TYW1: variants seen among roughly 807,000 people sequenced by gnomAD.
TYW1 encodes the protein tRNA-yW synthesizing protein 1 homolog.
Under a neutral mutation model 96.2 loss-of-function variants are expected in TYW1, and 46 were observed. The observed-to-expected ratio is 0.48, with a 90% CI of 0.38 to 0.61. The LOEUF (loss-of-function observed/expected upper bound fraction) is 0.61, where lower values mean the gene tolerates loss of function less well. Ranked by LOEUF, TYW1 falls within the 20% of genes least tolerant of loss-of-function variation. TYW1 has a pLI of 0.00. For synonymous variants in TYW1, 274 were observed against 323.0 expected (o/e 0.85, Z 1.63); for missense variants, 684 against 909.6 (o/e 0.75, Z 3.19).
intron 5 of TYW1, among the ~76,000 whole-genome samples, chr7:67,016,810 A>G (rs1263468247): frequency 4.0e-5 from 6 of 151,816 alleles, no homozygotes; most frequent in African/African-American, 1.5e-4. Flanking sequence ...TATTTTTTGT[A>G]GAGATGGGGT....
In TYW1 at chr7:67,228,700, T is replaced by C. The variant is rs1339088652; in HGVS notation, c.1978-9608T>C. Among the ~76,000 whole-genome samples the C allele has an allele frequency of 3.9e-5, 6 of 152,360 alleles. No homozygotes were observed. In the East Asian group the frequency reaches 9.6e-4, roughly 24 times the overall value. On this transcript the variant is annotated intron_variant, in intron 15 of 15. Transcript: ENST00000359626. ...TTTCCTTCTTATTTCAACTCTTGAATGTGTAGAACTATGAGACCTTTGTAT... is the reference window on the plus strand; with the variant it reads ...TTTCCTTCTTATTTCAACTCTTGAACGTGTAGAACTATGAGACCTTTGTAT...
At chr7:67,102,980 C>G (rs1044085618) in intron 12 of TYW1, among the ~76,000 whole-genome samples, 6 of 152,182 alleles carry the variant, frequency 3.9e-5, no homozygotes, top group Non-Finnish European at 7.3e-5. Context: ...ATCCTTGAAG[C>G]TCCTAATATG....
intron 10 of TYW1, among the ~76,000 whole-genome samples, chr7:67,080,940 GTTTTTTTTTTT>G (rs71049495): frequency 7.8e-4 from 29 of 37,252 alleles, no homozygotes; most frequent in African/African-American, 2.1e-3. Flanking sequence ...CTTTCTTACT[GTTTTTTTTTTT>G]TTTTTTTTTT....
chr7:67,028,021 G>A (rs570748159), intron 7 of TYW1, among the ~76,000 whole-genome samples: 55 of 151,558 alleles, frequency 3.6e-4, no homozygotes, highest in African/African-American at 1.3e-3. Context: ...GATTGCTTGA[G>A]GTCAGGAGCT....
intron 7 of TYW1, among the ~76,000 whole-genome samples, chr7:67,043,382 G>A (rs1425385281): frequency 1.4e-5 from 2 of 142,072 alleles, no homozygotes; most frequent in East Asian, 2.0e-4. Context: ...TTTTCCTGCA[G>A]TAAATAAATG....
chr7:67,067,002 T>C (rs1366186914), intron 9 of TYW1: 1 of 427,296 alleles, frequency 2.3e-6, no homozygotes. Flanking sequence ...ATTAATGTTA[T>C]TTGAAGGAGT....
intron 13 of TYW1, among the ~76,000 whole-genome samples, chr7:67,126,105 A>T (rs930920632): frequency 3.3e-5 from 5 of 151,100 alleles, no homozygotes; most frequent in African/African-American, 1.2e-4. Context: ...GGGTAGTTTC[A>T]TAAGAGTATT....
chr7:67,159,268 C>A (rs1346505164), intron 13 of TYW1, among the ~76,000 whole-genome samples: 1 of 152,098 alleles, frequency 6.6e-6, no homozygotes, highest in Admixed American at 6.5e-5. Flanking sequence ...TTATGTACAC[C>A]TTTGCACATA....
At chr7:67,190,010 T>G (rs1247719157) in intron 14 of TYW1, among the ~76,000 whole-genome samples, 3 of 151,844 alleles carry the variant, frequency 2.0e-5, no homozygotes, top group Non-Finnish European at 1.5e-5. Flanking sequence ...AATGAAATAC[T>G]GTCTGTGTGT....
chr7:67,026,886 T>C (rs1186278466), intron 7 of TYW1, among the ~76,000 whole-genome samples: 2 of 152,094 alleles, frequency 1.3e-5, no homozygotes, highest in Non-Finnish European at 2.9e-5. Context: ...ACCTGGAGTT[T>C]AAAAGGGACT....
At chr7:67,217,846 CTTT>C (rs57748332) in intron 15 of TYW1, among the ~76,000 whole-genome samples, 91 of 69,246 alleles carry the variant, frequency 1.3e-3, no homozygotes, top group African/African-American at 3.6e-3. Flanking sequence ...GTGTTGATGT[CTTT>C]TTTTTTTTTT....
chr7:67,009,789 T>C, intron 4 of TYW1, 105 bp downstream of exon 4: 2 of 1,054,824 alleles, frequency 1.9e-6, no homozygotes, highest in Non-Finnish European at 2.7e-6. Context: ...ATAAATTTAA[T>C]TTTCGTGCTA....
chr7:67,144,214 C>T (rs918059220), intron 13 of TYW1, among the ~76,000 whole-genome samples: 3 of 152,082 alleles, frequency 2.0e-5, no homozygotes, highest in East Asian at 3.9e-4. Context: ...TTTTATGTGA[C>T]GCTAGCTGTG....
At chr7:67,082,739 C>T (rs1194467467) in intron 10 of TYW1, among the ~76,000 whole-genome samples, 3 of 152,016 alleles carry the variant, frequency 2.0e-5, no homozygotes, top group African/African-American at 7.2e-5. Flanking sequence ...CTGTACTGCG[C>T]TGCCTGTTTT....
chr7:67,022,013 T>G (rs1794294875), intron 6 of TYW1, among the ~76,000 whole-genome samples: 1 of 152,182 alleles, frequency 6.6e-6, no homozygotes, highest in African/African-American at 2.4e-5. Flanking sequence ...TGGGCTCAAG[T>G]GATCCTCCTA....
chr7:67,140,517 A>ATAAAGACC (rs1237391228), intron 13 of TYW1, among the ~76,000 whole-genome samples: 1 of 152,214 alleles, frequency 6.6e-6, no homozygotes, highest in African/African-American at 2.4e-5. Flanking sequence ...CAATCATTAA[A>ATAAAGACC]TAAAGACCTA....
chr7:67,226,413 G>A lies in TYW1; in HGVS notation c.1978-11895G>A, dbSNP rs1330638653. ...GTGCTTGAGAAATTTTGCAGACCTT[G>A]CACTTGATGGATCAGCTGGCACCAC... On this transcript the variant is annotated intron_variant, in intron 15 of 15. Transcript: ENST00000359626. Among the ~76,000 whole-genome samples, 11 of 152,186 alleles carry A rather than the reference G, an allele frequency of 7.2e-5. No homozygotes were observed. In the East Asian group the frequency reaches 2.1e-3, roughly 29 times the overall value.
chr7:67,224,647 G>C (rs1801499308), intron 15 of TYW1, among the ~76,000 whole-genome samples: 1 of 152,208 alleles, frequency 6.6e-6, no homozygotes, highest in Non-Finnish European at 1.5e-5. Flanking sequence ...GCACTTTGAA[G>C]ATATTCCTCT....
chr7:67,079,943 C>T (rs1327111312), intron 10 of TYW1, among the ~76,000 whole-genome samples: 1 of 151,990 alleles, frequency 6.6e-6, no homozygotes, highest in African/African-American at 2.4e-5. Flanking sequence ...TTCCATTGTC[C>T]AAAAACATAC....
Sources: gnomAD v4.1 joint callset for allele counts (sites outside exome capture counted in the v4.1 genomes callset) on GRCh38, gnomAD v4.1.1 for gene constraint, MANE v1.5 for transcripts, NCBI Gene and HGNC (gene_info 2026-07-23, HGNC 2026-07-21) for gene names.